MCTP1: variants seen among roughly 807,000 people sequenced by gnomAD.
MCTP1 encodes multiple C2 and transmembrane domain containing 1.
Under a neutral mutation model 120.6 loss-of-function variants are expected in MCTP1, and 69 were observed. The ratio of observed to expected loss-of-function variants is 0.57; its 90% confidence interval spans 0.47 to 0.70. The LOEUF is 0.70. Ranked by LOEUF, MCTP1 falls within the 30% of genes least tolerant of loss-of-function variation. MCTP1 has a pLI of 0.00. For synonymous variants in MCTP1, 529 were observed against 493.1 expected, an observed-to-expected ratio of 1.07 and a Z score of -0.96; for missense variants, 1,203 against 1,248.8, an observed-to-expected ratio of 0.96 and a Z score of 0.55.
At chr5:95,062,269 T>C (rs777693622) in intron 1 of MCTP1, among the ~76,000 whole-genome samples, 3 of 152,246 alleles carry the variant, frequency 2.0e-5, no homozygotes, top group African/African-American at 4.8e-5. Flanking sequence ...TCTATGTGCA[T>C]TCTTTATATT....
At chr5:94,743,222 T>G (rs1424600890) in intron 19 of MCTP1, among the ~76,000 whole-genome samples, 1 of 151,604 alleles carries the variant, frequency 6.6e-6, no homozygotes, top group Non-Finnish European at 1.5e-5. Context: ...GAAGCAAGAA[T>G]TGGCTATACT....
chr5:95,145,976 T>C (rs1760353369), intron 1 of MCTP1, among the ~76,000 whole-genome samples: 1 of 152,192 alleles, frequency 6.6e-6, no homozygotes, highest in Non-Finnish European at 1.5e-5. Context: ...CCAGTTCTTC[T>C]TTGTATGTCT....
intron 1 of MCTP1, among the ~76,000 whole-genome samples, chr5:95,122,916 C>A (rs1339092064): frequency 6.6e-6 from 1 of 152,056 alleles, no homozygotes; most frequent in Non-Finnish European, 1.5e-5. Flanking sequence ...CTTCACATGT[C>A]CTCATTTATT....
At chr5:94,875,399 AG>A (rs1485535276) in intron 12 of MCTP1, among the ~76,000 whole-genome samples, 1 of 151,882 alleles carries the variant, frequency 6.6e-6, no homozygotes, top group Non-Finnish European at 1.5e-5. Flanking sequence ...GGGGGGTTGG[AG>A]GGGTGGTAGT....
At chr5:94,870,754 G>C in intron 15 of MCTP1, 118 bp downstream of exon 15, 1 of 789,170 alleles carries the variant, frequency 1.3e-6, no homozygotes, top group Non-Finnish European at 2.1e-6. Context: ...GTATTCTCCA[G>C]GACACATGAA....
intron 18 of MCTP1, among the ~76,000 whole-genome samples, chr5:94,781,752 C>G (rs1467699396): frequency 1.3e-5 from 2 of 152,160 alleles, no homozygotes; most frequent in African/African-American, 4.8e-5. Flanking sequence ...TCTTCATTTG[C>G]AAAACCCAAA....
chr5:94,990,476 A>T (rs1831322120), intron 2 of MCTP1, among the ~76,000 whole-genome samples: 1 of 152,232 alleles, frequency 6.6e-6, no homozygotes, highest in South Asian at 2.1e-4. Context: ...ATTCTTCTCC[A>T]TTGGCAATTC....
rs1407547825 is a variant in MCTP1, at chr5:94,873,240, T to C, written c.1935A>G (p.Gly645=). ...CTACCACACAAAATGGGTCACTTTT[T>C]CCTACAAGAGATTTTTGGTAAATAT... ...AEGLMAADVT[G]KSDPFCVVEL... The change falls in exon 13 of 23, where the codon GGA becomes GGG. Residue 645 remains glycine (G), a splice_region_variant and synonymous_variant. Transcript: ENST00000515393. The C allele has an allele frequency of 6.4e-7, 1 of 1,574,700 alleles. No homozygotes were observed. The highest frequency in any genetic ancestry group is 1.7e-5 in the Admixed American group (1 of 59,742).
intron 1 of MCTP1, among the ~76,000 whole-genome samples, chr5:95,066,792 T>A (rs1426316200): frequency 6.6e-6 from 1 of 152,176 alleles, no homozygotes; most frequent in Non-Finnish European, 1.5e-5. Flanking sequence ...ATCTAAAAAG[T>A]TGATCCCATA....
At chr5:94,827,545 T>C (rs1259478377) in intron 17 of MCTP1, among the ~76,000 whole-genome samples, 1 of 151,930 alleles carries the variant, frequency 6.6e-6, no homozygotes, top group Non-Finnish European at 1.5e-5. Context: ...GTTCTCCCAA[T>C]ATCCCGAAGT....
intron 2 of MCTP1, among the ~76,000 whole-genome samples, chr5:94,966,379 G>A (rs902146759): frequency 2.0e-5 from 3 of 152,104 alleles, no homozygotes; most frequent in Admixed American, 1.3e-4. Context: ...TATTTATTCT[G>A]GTCTATAAAG....
chr5:94,938,724 A>C (rs1816817600), intron 5 of MCTP1, among the ~76,000 whole-genome samples: 1 of 152,062 alleles, frequency 6.6e-6, no homozygotes, highest in Admixed American at 6.6e-5. Context: ...AGGTTCTCGG[A>C]GAATACTAGA....
intron 17 of MCTP1, among the ~76,000 whole-genome samples, chr5:94,851,746 G>A (rs1009667363): frequency 8.6e-5 from 13 of 151,986 alleles, no homozygotes; most frequent in Non-Finnish European, 2.9e-5. Context: ...ATAAATATGC[G>A]AGTTTATTCT....
chr5:95,211,054 T>G (rs1218521567), intron 1 of MCTP1, among the ~76,000 whole-genome samples: 2 of 152,168 alleles, frequency 1.3e-5, no homozygotes, highest in African/African-American at 4.8e-5. Context: ...ACTGTTAGTC[T>G]GATGGGCTTC....
chr5:95,089,707 T>C (rs1755702241), intron 1 of MCTP1, among the ~76,000 whole-genome samples: 1 of 152,170 alleles, frequency 6.6e-6, no homozygotes, highest in African/African-American at 2.4e-5. Context: ...TAATCTGCTG[T>C]TTTGTTCCCC....
At chr5:94,948,068 G>T (rs549169565) in intron 3 of MCTP1, among the ~76,000 whole-genome samples, 3 of 152,122 alleles carry the variant, frequency 2.0e-5, no homozygotes, top group Non-Finnish European at 4.4e-5. Flanking sequence ...CATTGTAAAA[G>T]AATAGTTAAA....
chr5:94,832,546 T>C (rs1238867770), intron 17 of MCTP1, among the ~76,000 whole-genome samples: 1 of 152,058 alleles, frequency 6.6e-6, no homozygotes, highest in Admixed American at 6.6e-5. Flanking sequence ...GGTTTCCAGC[T>C]TATCCTTTGA....
chr5:95,218,151 G>A (rs987630491), intron 1 of MCTP1, among the ~76,000 whole-genome samples: 4 of 152,176 alleles, frequency 2.6e-5, no homozygotes, highest in African/African-American at 9.6e-5. Context: ...TCCTCCAAAT[G>A]AGTTACACTA....
intron 1 of MCTP1, among the ~76,000 whole-genome samples, chr5:95,117,828 C>A (rs1262011764): frequency 1.3e-5 from 2 of 152,130 alleles, no homozygotes; most frequent in African/African-American, 4.8e-5. Flanking sequence ...CAATACTATG[C>A]AGCCATAAAA....
Sources: gnomAD v4.1 joint callset for allele counts (sites outside exome capture counted in the v4.1 genomes callset) on GRCh38, gnomAD v4.1.1 for gene constraint, MANE v1.5 for transcripts, NCBI Gene and HGNC (gene_info 2026-07-23, HGNC 2026-07-21) for gene names.